The following PTPRD variants were observed in gnomAD, a reference collection of about 807,000 sequenced individuals.
PTPRD encodes receptor-type tyrosine-protein phosphatase delta.
A neutral mutation model predicts 214.5 loss-of-function variants in PTPRD; 34 were observed. The observed-to-expected ratio is 0.16, with a 90% CI of 0.12 to 0.21. The LOEUF (loss-of-function observed/expected upper bound fraction) is 0.21. Among genes scored for constraint, PTPRD ranks in the 10% least tolerant of loss-of-function variants. The pLI is 1.00. For missense variants in PTPRD, 2,545 were observed against 2,398.7 expected (o/e 1.06, Z -1.27); for synonymous variants, 1,128 against 845.7 (o/e 1.33, Z -5.79).
At chr9:8,940,446 C>CTTTTTTTTTTT (rs34288443) in intron 11 of PTPRD, among the ~76,000 whole-genome samples, 2 of 95,030 alleles carry the variant, frequency 2.1e-5, no homozygotes, top group African/African-American at 7.9e-5. Context: ...CCACTCCCAG[C>CTTTTTTTTTTT]TTTTTTTTTT....
chr9:9,553,631 A>C (rs2080853179), intron 8 of PTPRD, among the ~76,000 whole-genome samples: 1 of 152,110 alleles, frequency 6.6e-6, no homozygotes, highest in South Asian at 2.1e-4. Context: ...AGGTTAGTAA[A>C]GAAAGCATAC....
At chr9:8,767,328 G>A (rs980331008) in intron 11 of PTPRD, among the ~76,000 whole-genome samples, 1 of 151,984 alleles carries the variant, frequency 6.6e-6, no homozygotes, top group Admixed American at 6.6e-5. Context: ...TGTTGGCCAG[G>A]CTGGTCTCGA....
chr9:8,367,816 T>G (rs1273902401), intron 39 of PTPRD, among the ~76,000 whole-genome samples: 1 of 152,214 alleles, frequency 6.6e-6, no homozygotes, highest in Non-Finnish European at 1.5e-5. Flanking sequence ...CTGTAAACAT[T>G]TGTTGACTTC....
Position 10,235,757 on chromosome 9 carries a change from A to G in PTPRD, c.-545+105206T>C, listed in dbSNP as rs144206970. Reference sequence around the variant, plus strand: ...TAAGAAAACATCCCAGCAAGTGGACACATGCTTAAGTATCTAATGAGCGAT... The same window carrying G: ...TAAGAAAACATCCCAGCAAGTGGACGCATGCTTAAGTATCTAATGAGCGAT... On this transcript the variant is annotated intron_variant, in intron 3 of 45. Coordinates refer to ENST00000381196, the MANE Select transcript of PTPRD (RefSeq NM_002839.4). Among the ~76,000 whole-genome samples the G allele has an allele frequency of 9.6e-4, 146 of 152,152 alleles. 1 individual carries two copies. The highest frequency in any genetic ancestry group is 1.5e-3 in the Non-Finnish European group (100 of 67,962).
chr9:9,821,980 A>G (rs1184295315), intron 5 of PTPRD, among the ~76,000 whole-genome samples: 1 of 150,726 alleles, frequency 6.6e-6, no homozygotes, highest in Admixed American at 6.6e-5. Context: ...AGATAATTCA[A>G]ATCTGTGACT....
intron 10 of PTPRD, among the ~76,000 whole-genome samples, chr9:9,033,918 T>G (rs148888771): frequency 1.2e-3 from 187 of 152,268 alleles, no homozygotes; most frequent in Middle Eastern, 0.01. Context: ...ACAATAGGAT[T>G]GATTAAACAT....
At position 10,215,399 on chromosome 9, in the gene PTPRD, A is replaced by C. The variant is rs374779046; in HGVS notation, c.-545+125564T>G. Among the ~76,000 whole-genome samples, 36 of 152,264 alleles carry C rather than the reference A, an allele frequency of 2.4e-4. No homozygotes were observed. The East Asian group carries it at 3.5e-3, about 15-fold the overall frequency. On this transcript the variant is annotated intron_variant, in intron 3 of 45. Coordinates refer to ENST00000381196, the MANE Select transcript of PTPRD (RefSeq NM_002839.4). ...AAGAAACAAAGATAGGTACTAAAAT[A>C]TGAAGAGCTATTCAGTATTCTTAGA...
At chr9:9,394,759 T>C (rs2067135644) in intron 9 of PTPRD, among the ~76,000 whole-genome samples, 1 of 152,026 alleles carries the variant, frequency 6.6e-6, no homozygotes, top group South Asian at 2.1e-4. Flanking sequence ...TGAAAGAAAG[T>C]CAAGAGAGAT....
At chr9:8,359,974 AGCTCAATGTTT>A (rs1452650563) in intron 39 of PTPRD, among the ~76,000 whole-genome samples, 4 of 152,194 alleles carry the variant, frequency 2.6e-5, no homozygotes, top group Non-Finnish European at 5.9e-5. Flanking sequence ...GCACTAGGTC[AGCTCAATGTTT>A]GTTAGGAGGC....
intron 2 of PTPRD, among the ~76,000 whole-genome samples, chr9:10,402,955 G>A (rs1425576114): frequency 1.5e-4 from 23 of 151,178 alleles, no homozygotes; most frequent in East Asian, 2.0e-4. Context: ...GCTTTTCACC[G>A]CTTCCTCACA....
At position 9,027,005 on chromosome 9, in the gene PTPRD, T is replaced by C. The variant is rs189869084; in HGVS notation, c.-142-8270A>G. Among the ~76,000 whole-genome samples, 437 of 151,560 alleles carry C rather than the reference T, an allele frequency of 2.9e-3. 3 individuals carry two copies. The highest frequency in any genetic ancestry group is 0.01 in the African/African-American group (430 of 41,380). On this transcript the variant is annotated intron_variant, in intron 10 of 45. Transcript: ENST00000381196. ...TTCTGCTTGAGTGCTGATTTCTTTCTCCCAGTTATGGCTTTTCTCCTTCAC... is the reference window on the plus strand; with the variant it reads ...TTCTGCTTGAGTGCTGATTTCTTTCCCCCAGTTATGGCTTTTCTCCTTCAC...
chr9:8,819,538 G>A (rs1179487051), intron 11 of PTPRD, among the ~76,000 whole-genome samples: 4 of 152,092 alleles, frequency 2.6e-5, no homozygotes, highest in Admixed American at 6.5e-5. Flanking sequence ...GCACATGCCT[G>A]TAGTCCCAGC....
chr9:8,643,626 C>G (rs552328156), intron 12 of PTPRD, among the ~76,000 whole-genome samples: 2 of 152,250 alleles, frequency 1.3e-5, no homozygotes, highest in African/African-American at 4.8e-5. Context: ...CCTGCCACCA[C>G]TGCTCGCAGC....
At chr9:9,828,915 A>T (rs973164166) in intron 5 of PTPRD, among the ~76,000 whole-genome samples, 1 of 151,994 alleles carries the variant, frequency 6.6e-6, no homozygotes, top group Non-Finnish European at 1.5e-5. Flanking sequence ...TTCAATTGAA[A>T]TTTTTGCTGT....
chr9:9,819,595 G>A (rs1261389444), intron 5 of PTPRD, among the ~76,000 whole-genome samples: 2 of 152,064 alleles, frequency 1.3e-5, no homozygotes, highest in African/African-American at 2.4e-5. Context: ...ATTGGGGTAC[G>A]AATGATCCTA....
At chr9:9,468,627 G>C (rs1477699666) in intron 8 of PTPRD, among the ~76,000 whole-genome samples, 1 of 151,662 alleles carries the variant, frequency 6.6e-6, no homozygotes, top group Non-Finnish European at 1.5e-5. Context: ...TTCTCTAATT[G>C]TTTCAGCTTA....
chr9:8,680,482 C>A (rs934618666), intron 12 of PTPRD, among the ~76,000 whole-genome samples: 32 of 152,270 alleles, frequency 2.1e-4, no homozygotes, highest in African/African-American at 7.5e-4. Flanking sequence ...CATATATGTG[C>A]AATCATGAGA....
intron 9 of PTPRD, among the ~76,000 whole-genome samples, chr9:9,239,636 T>G (rs1188105433): frequency 1.3e-5 from 2 of 152,162 alleles, no homozygotes; most frequent in African/African-American, 4.8e-5. Context: ...CTTATTTTAG[T>G]ATGAAGCCCT....
chr9:9,891,624 A>G (rs2073368196), intron 5 of PTPRD, among the ~76,000 whole-genome samples: 1 of 152,074 alleles, frequency 6.6e-6, no homozygotes, highest in South Asian at 2.1e-4. Context: ...TTAGAGTTTG[A>G]TGGTTATTGA....
Sources: gnomAD v4.1 joint callset for allele counts (sites outside exome capture counted in the v4.1 genomes callset) on GRCh38, gnomAD v4.1.1 for gene constraint, MANE v1.5 for transcripts, NCBI Gene and HGNC (gene_info 2026-07-23, HGNC 2026-07-21) for gene names.